ARHGAP21: variants seen among roughly 807,000 people sequenced by gnomAD.
ARHGAP21 encodes rho GTPase-activating protein 21.
ARHGAP21 carries 38 observed loss-of-function variants against 164.6 expected under a neutral mutation model. That is an observed-to-expected ratio of 0.23 (90% confidence interval 0.18 to 0.30). The LOEUF is 0.30. ARHGAP21 is among the 10% of genes least tolerant of loss of function. The probability of loss-of-function intolerance (pLI) is 1.00; values close to 1 mark genes in which losing one functional copy is unlikely to be tolerated. For synonymous variants in ARHGAP21, 766 were observed against 857.9 expected (o/e 0.89, Z 1.87); for missense variants, 1,822 against 2,370.7 (o/e 0.77, Z 4.81).
chr10:24,641,114 T>G (rs1224735703), intron 4 of ARHGAP21, among the ~76,000 whole-genome samples: 1 of 152,210 alleles, frequency 6.6e-6, no homozygotes, highest in Non-Finnish European at 1.5e-5. Context: ...TTCTTATTGT[T>G]GACAACAGGC....
intron 2 of ARHGAP21, among the ~76,000 whole-genome samples, chr10:24,717,645 G>T (rs1359096217): frequency 6.6e-6 from 1 of 152,162 alleles, no homozygotes; most frequent in East Asian, 1.9e-4. Context: ...AGAACAAAAA[G>T]AAGTAACAAG....
At position 24,635,303 on chromosome 10, in the gene ARHGAP21, G is replaced by A. The variant is rs570705233; in HGVS notation, c.269-200C>T. Among the ~76,000 whole-genome samples, 12 of 152,206 alleles carry A rather than the reference G, an allele frequency of 7.9e-5. No homozygotes were observed. The South Asian group carries it at 1.7e-3, about 21-fold the overall frequency. Reference sequence around the variant, plus strand: ...TATTTTGCTTCTTCCATAACATAATGACAACCACAACACTGTAATGCTTTC... The same window carrying A: ...TATTTTGCTTCTTCCATAACATAATAACAACCACAACACTGTAATGCTTTC... On this transcript the variant is annotated intron_variant, in intron 4 of 25. Transcript: ENST00000396432.
intron 4 of ARHGAP21, among the ~76,000 whole-genome samples, chr10:24,656,024 C>G (rs1170006023): frequency 6.9e-6 from 1 of 145,934 alleles, no homozygotes; most frequent in Non-Finnish European, 1.5e-5. Context: ...CCGGCAGCTG[C>G]CCCGTCTGAG....
intron 7 of ARHGAP21, chr10:24,629,564 G>A (rs1358814062): frequency 6.3e-6 from 1 of 159,704 alleles, no homozygotes; most frequent in Non-Finnish European, 1.4e-5. Context: ...ATTAGAAAAT[G>A]GCAATCATAA....
intron 24 of ARHGAP21, chr10:24,590,374 C>CAGTGTGGACAA (rs2076278626): frequency 3.3e-6 from 5 of 1,535,260 alleles, no homozygotes; most frequent in Non-Finnish European, 4.4e-6. Context: ...AAGGCAGCTA[C>CAGTGTGGACAA]AGTGTGGACA....
chr10:24,693,842 GT>G (rs1362760210), intron 2 of ARHGAP21, among the ~76,000 whole-genome samples: 1 of 152,018 alleles, frequency 6.6e-6, no homozygotes, highest in Non-Finnish European at 1.5e-5. Flanking sequence ...GAAAATGAAT[GT>G]TTTCTTTTCC....
rs147507793 is a variant in ARHGAP21, at chr10:24,658,116, C to T, written c.268+8869G>A. Among the ~76,000 whole-genome samples, 994 of 149,724 alleles carry T rather than the reference C, an allele frequency of 6.6e-3. 7 individuals carry two copies. Among genetic ancestry groups the T allele is most frequent in the African/African-American group, 0.02 (802 of 40,754 alleles). ...CATCAAGAGAAATGCAAATTAAAAC[C>T]GCAATGAGATACCATCTCACACCAG... On this transcript the variant is annotated intron_variant, in intron 4 of 25. Coordinates refer to ENST00000396432, the MANE Select transcript of ARHGAP21 (RefSeq NM_020824.4).
rs532673649 is a variant in ARHGAP21 at position 24,633,394 on chromosome 10, A to G, written c.440+8T>C. 7 of 1,589,186 alleles carry G rather than the reference A, an allele frequency of 4.4e-6. No individual in the cohort carries two copies. The highest frequency in any genetic ancestry group is 4.0e-5 in the African/African-American group (3 of 74,312). On this transcript the variant is annotated splice_region_variant and intron_variant, in intron 6 of 25. Transcript: ENST00000396432. ...CATCTTTGGGTTTTAATGTTTTAAG[A>G]CTCTTACCTGTTTTGAATTAAAGCA...
At chr10:24,706,919 A>AGGT (rs1423509734) in intron 2 of ARHGAP21, among the ~76,000 whole-genome samples, 1 of 152,074 alleles carries the variant, frequency 6.6e-6, no homozygotes, top group Non-Finnish European at 1.5e-5. Context: ...CAACCTGGGG[A>AGGT]GGTGGTATAT....
intron 16 of ARHGAP21, 100 bp downstream of exon 16, chr10:24,597,346 TG>T: frequency 7.0e-7 from 1 of 1,424,530 alleles, no homozygotes. Context: ...CTAGTTGACA[TG>T]GGGCCTGGTC....
chr10:24,654,402 T>G (rs1445388282), intron 4 of ARHGAP21, among the ~76,000 whole-genome samples: 2 of 152,226 alleles, frequency 1.3e-5, no homozygotes, highest in Non-Finnish European at 2.9e-5. Context: ...CAAAATATCC[T>G]TAGGCTGATA....
intron 8 of ARHGAP21, 46 bp downstream of exon 8, chr10:24,622,687 A>G (rs1360065963): frequency 1.3e-6 from 2 of 1,583,004 alleles, no homozygotes; most frequent in Non-Finnish European, 8.6e-7. Flanking sequence ...AATCTCTACA[A>G]AACATGACTT....
At chr10:24,687,412 TGAA>T (rs1204356115) in intron 2 of ARHGAP21, among the ~76,000 whole-genome samples, 1 of 152,120 alleles carries the variant, frequency 6.6e-6, no homozygotes, top group African/African-American at 2.4e-5. Flanking sequence ...TAATAGAAAA[TGAA>T]GACTTTAAAA....
chr10:24,688,585 T>C (rs1044715057), intron 2 of ARHGAP21, among the ~76,000 whole-genome samples: 1 of 152,158 alleles, frequency 6.6e-6, no homozygotes, highest in Non-Finnish European at 1.5e-5. Context: ...GGAAACAACT[T>C]ATAGAAGATG....
chr10:24,622,801 T>C (rs747777719), intron 7 of ARHGAP21, 39 bp from the exon 8 acceptor site: 5 of 1,589,550 alleles, frequency 3.1e-6, no homozygotes, highest in East Asian at 2.2e-5. Context: ...AGCTGCTTAC[T>C]GATATAAAGA....
intron 7 of ARHGAP21, among the ~76,000 whole-genome samples, chr10:24,628,816 C>CACACATATATGTACATATAT (rs1565052902): frequency 2.7e-5 from 3 of 110,356 alleles, no homozygotes; most frequent in East Asian, 4.2e-4. Context: ...CATATATATA[C>CACACATATATGTACATATAT]ATATACACAC....
At chr10:24,615,200 CA>C (rs768376888) in intron 9 of ARHGAP21, among the ~76,000 whole-genome samples, 3 of 151,630 alleles carry the variant, frequency 2.0e-5, no homozygotes, top group South Asian at 2.1e-4. Flanking sequence ...CAAAAACAAA[CA>C]AAAAAAACTA....
intron 9 of ARHGAP21, among the ~76,000 whole-genome samples, chr10:24,616,345 T>C (rs574326258): frequency 6.6e-6 from 1 of 152,210 alleles, no homozygotes; most frequent in African/African-American, 2.4e-5. Flanking sequence ...TCCTGTCATA[T>C]CACCACTGGC....
intron 4 of ARHGAP21, among the ~76,000 whole-genome samples, chr10:24,662,229 C>T (rs1181300524): frequency 6.6e-6 from 1 of 152,122 alleles, no homozygotes; most frequent in Non-Finnish European, 1.5e-5. Flanking sequence ...TAATTCTTAA[C>T]ACTACATAAG....
Sources: gnomAD v4.1 joint callset for allele counts (sites outside exome capture counted in the v4.1 genomes callset) on GRCh38, gnomAD v4.1.1 for gene constraint, MANE v1.5 for transcripts, NCBI Gene and HGNC (gene_info 2026-07-23, HGNC 2026-07-21) for gene names.